The following C2CD2 variants were observed in gnomAD, a reference collection of about 807,000 sequenced individuals.
C2CD2 encodes the protein C2 domain-containing protein 2.
In C2CD2, 43 loss-of-function variants were observed where a neutral mutation model predicts 74.3. The observed-to-expected ratio is 0.58, with a 90% CI of 0.45 to 0.75. The LOEUF (loss-of-function observed/expected upper bound fraction) is 0.75, where lower values mean the gene tolerates loss of function less well. C2CD2 is among the 30% of genes least tolerant of loss of function. C2CD2 has a pLI of 0.00. For missense variants in C2CD2, 801 were observed against 916.3 expected, an observed-to-expected ratio of 0.87 and a Z score of 1.63; for synonymous variants, 422 against 390.7, an observed-to-expected ratio of 1.08 and a Z score of -0.94.
intron 3 of C2CD2, 109 bp downstream of exon 3, chr21:41,921,863 A>G: frequency 3.0e-6 from 2 of 673,638 alleles, no homozygotes; most frequent in South Asian, 3.7e-5. Flanking sequence ...ATGAATGATA[A>G]TTAATAAAAA....
chr21:41,931,929 A>AGGGAGGGCAGAGGGGCTAGAG, intron 2 of C2CD2, among the ~76,000 whole-genome samples: 1 of 14,570 alleles, frequency 6.9e-5, no homozygotes. Context: ...CCCCACCTCC[A>AGGGAGGGCAGAGGGGCTAGAG]GCATCCCACC....
intron 2 of C2CD2, among the ~76,000 whole-genome samples, chr21:41,936,990 T>C (rs2065313947): frequency 6.6e-6 from 1 of 151,144 alleles, no homozygotes; most frequent in Non-Finnish European, 1.5e-5. Flanking sequence ...GGCTAATTTT[T>C]GTACTTTTAG....
Position 41,924,012 on chromosome 21 carries a change from G to A in C2CD2, c.379-1927C>T, listed in dbSNP as rs867482710. On this transcript the variant is annotated intron_variant, in intron 2 of 13. Transcript: ENST00000380486. The surrounding 1 kb of genome is among the most constrained non-coding windows in gnomAD (Gnocchi z 4.4). Reference sequence around the variant, plus strand: ...AAAGCAAAGCTACCAGGAGCTGAGGGTAAGTCAGACTGACCTCCTCATTCC... The same window carrying A: ...AAAGCAAAGCTACCAGGAGCTGAGGATAAGTCAGACTGACCTCCTCATTCC... 6.6e-6 allele frequency among the ~76,000 whole-genome samples: 1 copy of A among 152,208 alleles called. No individual in the cohort carries two copies. The highest frequency in any genetic ancestry group is 1.5e-5 in the Non-Finnish European group (1 of 68,030).
At chr21:41,893,726 GAGTCTCGCTCTGTCGC>G (rs1245595090) in intron 13 of C2CD2, among the ~76,000 whole-genome samples, 43 of 141,602 alleles carry the variant, frequency 3.0e-4, no homozygotes, top group African/African-American at 1.1e-3. Context: ...TTTTGAGACG[GAGTCTCGCTCTGTCGC>G]CCAGGCTGGA....
chr21:41,919,131 T>G (rs1460842548), intron 3 of C2CD2, 171 bp from the exon 4 acceptor site: 1 of 622,226 alleles, frequency 1.6e-6, no homozygotes, highest in Admixed American at 2.5e-5. Context: ...CATGTGTGCA[T>G]ATGAGCATGT....
chr21:41,891,104 C>T (rs554670061), intron 13 of C2CD2, among the ~76,000 whole-genome samples: 1 of 151,312 alleles, frequency 6.6e-6, no homozygotes, highest in Non-Finnish European at 1.5e-5. Context: ...GCAGGGGCTT[C>T]GGGGACTGCT....
rs965322284 is a variant in C2CD2 at position 41,892,513 on chromosome 21, G to A, written c.1871-3169C>T. 3.9e-5 allele frequency among the ~76,000 whole-genome samples: 6 copies of A among 152,214 alleles called. No homozygotes were observed. The highest frequency in any genetic ancestry group is 1.2e-4 in the African/African-American group (5 of 41,458). On this transcript the variant is annotated intron_variant, in intron 13 of 13. Transcript: ENST00000380486. This position sits in a 1 kb window ranked among gnomAD's most constrained non-coding sequence, Gnocchi z 4.6. ...CTGTTCAGTCCTTAGAACCCAGGCAGCAACATGGAGGAGTGGAGGCGGAGA... is the reference window on the plus strand; with the variant it reads ...CTGTTCAGTCCTTAGAACCCAGGCAACAACATGGAGGAGTGGAGGCGGAGA...
At chr21:41,935,277 T>C (rs1182337722) in intron 2 of C2CD2, among the ~76,000 whole-genome samples, 2 of 152,174 alleles carry the variant, frequency 1.3e-5, no homozygotes, top group African/African-American at 2.4e-5. Context: ...ATAGTGTAAA[T>C]TGTAGCAAAA....
intron 2 of C2CD2, among the ~76,000 whole-genome samples, chr21:41,934,883 CTGTT>C (rs988346339): frequency 1.2e-4 from 18 of 150,232 alleles, no homozygotes; most frequent in South Asian, 4.2e-4. Flanking sequence ...GTTTGTTTGT[CTGTT>C]TGTTTGTTTT....
At chr21:41,915,509 T>C (rs1239613695) in intron 5 of C2CD2, among the ~76,000 whole-genome samples, 1 of 152,006 alleles carries the variant, frequency 6.6e-6, no homozygotes, top group African/African-American at 2.4e-5. Context: ...CGATCTCAGT[T>C]CACTGCAACC....
Position 41,931,875 on chromosome 21 carries a change from C to G in C2CD2, c.379-9790G>C, listed in dbSNP as rs567310455. On this transcript the variant is annotated intron_variant, in intron 2 of 13. Transcript: ENST00000380486. Reference sequence around the variant, plus strand: ...CCACTCCACCTCCAACATCCCACCACCCCACCTCCAGCATCCCACCACCCC... The same window carrying G: ...CCACTCCACCTCCAACATCCCACCAGCCCACCTCCAGCATCCCACCACCCC... 9.3e-4 allele frequency among the ~76,000 whole-genome samples: 114 copies of G among 123,214 alleles called. 2 individuals carry two copies. The highest frequency in any genetic ancestry group is 2.2e-4 in the Non-Finnish European group (12 of 54,468). The allele number at this position is 123,214 out of a possible 152,430, so 80.8% of individuals were successfully genotyped here. A position where few individuals can be genotyped will look rare whatever the true frequency, so the allele number is the denominator to read the frequency against.
intron 13 of C2CD2, among the ~76,000 whole-genome samples, chr21:41,896,689 T>C (rs1341660952): frequency 1.2e-5 from 1 of 82,000 alleles, no homozygotes; most frequent in African/African-American, 5.0e-5. Flanking sequence ...GGACAAAAGA[T>C]ACAGGTGGTT....
At chr21:41,904,881 C>A (rs977447366) in intron 11 of C2CD2, among the ~76,000 whole-genome samples, 4 of 152,122 alleles carry the variant, frequency 2.6e-5, no homozygotes, top group Non-Finnish European at 5.9e-5. Flanking sequence ...GAAAGTTAAT[C>A]CCCAAATTTA....
intron 2 of C2CD2, among the ~76,000 whole-genome samples, chr21:41,940,533 T>A (rs995447823): frequency 6.6e-6 from 1 of 152,176 alleles, no homozygotes; most frequent in Non-Finnish European, 1.5e-5. Flanking sequence ...CCTAACTTGA[T>A]AATAAAATGC....
In C2CD2 at chr21:41,895,012, A is replaced by G. The variant is rs759954838; in HGVS notation, c.1870+4041T>C. ...GCAGCACCCGGAGATTCAACAGAAC[A>G]CGCACTGAGGTGCGGCTGGGAAGGC... On this transcript the variant is annotated intron_variant, in intron 13 of 13. Coordinates refer to ENST00000380486, the MANE Select transcript of C2CD2 (RefSeq NM_015500.2). This position sits in a 1 kb window ranked among gnomAD's most constrained non-coding sequence, Gnocchi z 5.0. 8.8e-6 allele frequency: 4 copies of G among 454,340 alleles called. No homozygotes were observed. Among genetic ancestry groups the G allele is most frequent in the Admixed American group, 2.4e-5 (1 of 42,528 alleles). 28.1% of individuals were successfully genotyped at this position (454,340 alleles called of 1,614,324 possible). A position where few individuals can be genotyped will look rare whatever the true frequency, so the allele number is the denominator to read the frequency against.
chr21:41,889,923 C>A (rs75861825), intron 13 of C2CD2, among the ~76,000 whole-genome samples: 2,009 of 152,270 alleles, frequency 0.013, 41 homozygotes, highest in African/African-American at 0.046. Context: ...GGATTACAGG[C>A]ATGAGCCACC....
At chr21:41,906,592 T>C (rs1169347388) in intron 10 of C2CD2, among the ~76,000 whole-genome samples, 8 of 152,218 alleles carry the variant, frequency 5.3e-5, no homozygotes, top group East Asian at 1.9e-4. Flanking sequence ...CTCAGACTCC[T>C]GACCTCAGGT....
At position 41,926,380 on chromosome 21, in the gene C2CD2, G is replaced by T; in HGVS notation, c.379-4295C>A. 1 of 972,812 alleles carries T rather than the reference G, an allele frequency of 1.0e-6. No homozygotes were observed. The highest frequency in any genetic ancestry group is 1.2e-6 in the Non-Finnish European group (1 of 818,474). 60.3% of individuals were successfully genotyped at this position (972,812 alleles called of 1,614,324 possible). The stretch of plus-strand genomic sequence containing the variant: ...TCACGGTAAGTCAGGGTCTCCACAT[G>T]GAAAGGCCAAGGGGGGACTCACGGT... On this transcript the variant is annotated intron_variant, in intron 2 of 13. Transcript: ENST00000380486. This position sits in a 1 kb window ranked among gnomAD's most constrained non-coding sequence, Gnocchi z 8.0.
chr21:41,918,147 T>C lies in C2CD2; in HGVS notation c.678A>G (p.Ser226=), dbSNP rs2065113174. The change falls in exon 5 of 14, where the codon TCA becomes TCG. Residue 226 remains serine, a synonymous_variant. Coordinates refer to ENST00000380486, the MANE Select transcript of C2CD2 (RefSeq NM_015500.2). ...LKHLAGSASP[S]VVLITKPTTV... ...TCGTGGGCTTGGTAATCAGAACCAC[T>C]GATGGAGAGGCAGAACCAGCCAAAT... 6.2e-7 allele frequency: 1 copy of C among 1,614,002 alleles called. No individual in the cohort carries two copies.
Sources: gnomAD v4.1 joint callset for allele counts (sites outside exome capture counted in the v4.1 genomes callset) on GRCh38, gnomAD v4.1.1 for gene constraint, Gnocchi (gnomAD v3.1) non-coding constraint, MANE v1.5 for transcripts, NCBI Gene and HGNC (gene_info 2026-07-23, HGNC 2026-07-21) for gene names.